Variants in AKAP10 observed in about 807,000 individuals in gnomAD.
The protein encoded by AKAP10 is A-kinase anchor protein 10, mitochondrial.
A neutral mutation model predicts 80.8 loss-of-function variants in AKAP10; 24 were observed. The observed-to-expected ratio is 0.30, with a 90% CI of 0.22 to 0.42. The LOEUF is 0.42. AKAP10 is among the 10% of genes least tolerant of loss of function. The pLI is 1.00. For synonymous variants in AKAP10, 291 were observed against 277.7 expected (o/e 1.05, Z -0.48); for missense variants, 661 against 794.9 (o/e 0.83, Z 2.03).
intron 7 of AKAP10, 75 bp downstream of exon 7, chr17:19,940,812 A>G: frequency 6.8e-7 from 1 of 1,468,108 alleles, no homozygotes; most frequent in Non-Finnish European, 9.0e-7. Flanking sequence ...GTTATTTCCT[A>G]TAGACAGGGC....
In AKAP10 at chr17:19,904,340, T is replaced by C. The variant is rs2042611856; in HGVS notation, c.*1887A>G. 6.6e-6 allele frequency: 1 copy of C among 152,228 alleles called. No individual in the cohort carries two copies. Among genetic ancestry groups the C allele is most frequent in the Non-Finnish European group, 1.5e-5 (1 of 68,046 alleles). The allele number at this position is 152,228 out of a possible 1,614,324, so 9.4% of individuals were successfully genotyped here. A position where few individuals can be genotyped will look rare whatever the true frequency, so the allele number is the denominator to read the frequency against. The stretch of plus-strand genomic sequence containing the variant: ...TCTTTATAAGCAGTTTACAACTACT[T>C]GGCATCTCTAGCTCAGAAGCACAAA... On this transcript the variant is annotated 3_prime_UTR_variant, in exon 15 of 15. Transcript: ENST00000225737.
chr17:19,936,570 T>A, intron 8 of AKAP10, 140 bp from the exon 9 acceptor site: 1 of 813,918 alleles, frequency 1.2e-6, no homozygotes, highest in Non-Finnish European at 1.8e-6. Flanking sequence ...GTGATGACAG[T>A]GCTGATGTAA....
intron 8 of AKAP10, among the ~76,000 whole-genome samples, chr17:19,936,721 G>A (rs1053004813): frequency 1.3e-5 from 2 of 152,168 alleles, no homozygotes; most frequent in Non-Finnish European, 2.9e-5. Context: ...CTGAGGCAAA[G>A]AAACTAACAA....
Position 19,920,855 on chromosome 17 carries a change from C to CAAAA in AKAP10, c.1752-741_1752-738dup, listed in dbSNP as rs61148312. Reference sequence around the variant, plus strand: ...TGGGCAACAGAGCAAGACTCTATCTCAAAAAAAAAAAAAAAAAAAAAAAAA... The same window carrying CAAAA: ...TGGGCAACAGAGCAAGACTCTATCTCAAAAAAAAAAAAAAAAAAAAAAAAAAAAA... On this transcript the variant is annotated intron_variant, in intron 11 of 14. Coordinates refer to ENST00000225737, the MANE Select transcript of AKAP10 (RefSeq NM_007202.4). 2.0e-3 allele frequency among the ~76,000 whole-genome samples: 70 copies of CAAAA among 35,300 alleles called. 2 individuals carry two copies. The highest frequency in any genetic ancestry group is 4.5e-3 in the African/African-American group (39 of 8,590). The allele number at this position is 35,300 out of a possible 152,430, so 23.2% of individuals were successfully genotyped here. A position where few individuals can be genotyped will look rare whatever the true frequency, so the allele number is the denominator to read the frequency against.
At chr17:19,908,250 T>C (rs535037778) in intron 14 of AKAP10, among the ~76,000 whole-genome samples, 11 of 152,352 alleles carry the variant, frequency 7.2e-5, no homozygotes, top group South Asian at 2.1e-4. Flanking sequence ...TGTTTTGGCA[T>C]GCAGTTGTTA....
Position 19,940,151 on chromosome 17 carries a change from T to C in AKAP10, c.1186-302A>G, listed in dbSNP as rs577821793. On this transcript the variant is annotated intron_variant, in intron 7 of 14. Coordinates refer to ENST00000225737, the MANE Select transcript of AKAP10 (RefSeq NM_007202.4). ...ATTTGTGGTTCCTTGCCAGCAAACA[T>C]ATAAAGAGTAAACTAACCAAACCAA... 2.0e-5 allele frequency among the ~76,000 whole-genome samples: 3 copies of C among 152,294 alleles called. No individual in the cohort carries two copies. The East Asian group carries it at 5.8e-4, about 29-fold the overall frequency.
chr17:19,937,859 A>G (rs2043008784), intron 8 of AKAP10, among the ~76,000 whole-genome samples: 1 of 152,180 alleles, frequency 6.6e-6, no homozygotes, highest in African/African-American at 2.4e-5. Flanking sequence ...AAATTAGACT[A>G]CATCCCTAAA....
intron 4 of AKAP10, among the ~76,000 whole-genome samples, chr17:19,955,603 G>A (rs560689504): frequency 6.6e-6 from 1 of 152,262 alleles, no homozygotes; most frequent in East Asian, 1.9e-4. Flanking sequence ...TTGGGAGGCT[G>A]AGGTGGGCAG....
chr17:19,941,443 T>C (rs1240451657), intron 6 of AKAP10, among the ~76,000 whole-genome samples: 3 of 152,234 alleles, frequency 2.0e-5, no homozygotes, highest in Non-Finnish European at 2.9e-5. Context: ...GATTTAGTTA[T>C]ATAGCATCCA....
chr17:19,923,512 C>T (rs554977487), intron 11 of AKAP10, among the ~76,000 whole-genome samples: 1 of 152,068 alleles, frequency 6.6e-6, no homozygotes, highest in South Asian at 2.1e-4. Context: ...GCTCCTCAGT[C>T]TCCCAATACC....
At position 19,962,772 on chromosome 17, in the gene AKAP10, G is replaced by T; in HGVS notation, c.319+68C>A. ...CCAATTATATAGTTCTGTATCCTAT[G>T]ACAGAAGTTTCACATATTGTACTCA... On this transcript the variant is annotated intron_variant, in intron 3 of 14. Transcript: ENST00000225737. The T allele has an allele frequency of 2.0e-6, 3 of 1,480,890 alleles. No individual in the cohort carries two copies. In the South Asian group the frequency reaches 3.7e-5, roughly 18 times the overall value. The allele number at this position is 1,480,890 out of a possible 1,614,324, so 91.7% of individuals were successfully genotyped here.
At position 19,958,470 on chromosome 17, in the gene AKAP10, G is replaced by T; in HGVS notation, c.421C>A (p.Gln141Lys). 1 of 1,614,060 alleles carries T rather than the reference G, an allele frequency of 6.2e-7. No homozygotes were observed. The highest frequency in any genetic ancestry group is 1.1e-5 in the South Asian group (1 of 91,078). ...HDTIVLPYFIQFMELRRMEHL... is the reference protein window; with the variant it reads ...HDTIVLPYFIKFMELRRMEHL... The stretch of plus-strand genomic sequence containing the variant: ...TCCATTCGCCGAAGTTCCATGAATT[G>T]AATGAAGTAAGGGAGGACAATAGTG... Residue 141 changes from glutamine to lysine, a missense_variant, in exon 4 of 15, where the codon CAA becomes AAA. Physicochemically the swap from Gln to Lys is moderately conservative, Grantham distance 53. Coordinates refer to ENST00000225737, the MANE Select transcript of AKAP10 (RefSeq NM_007202.4).
At chr17:19,930,140 T>C (rs1567757556) in intron 10 of AKAP10, among the ~76,000 whole-genome samples, 1 of 152,038 alleles carries the variant, frequency 6.6e-6, no homozygotes, top group Non-Finnish European at 1.5e-5. Context: ...GGCAATACGA[T>C]AATACTCTCT....
chr17:19,958,490 A>G lies in AKAP10; in HGVS notation c.401T>C (p.Ile134Thr). The G allele has an allele frequency of 6.2e-7, 1 of 1,613,612 alleles. No individual in the cohort carries two copies. Among genetic ancestry groups the G allele is most frequent in the Non-Finnish European group, 8.5e-7 (1 of 1,180,038 alleles). ...KTLEQVLHDT[I>T]VLPYFIQFME... ...GAATTGAATGAAGTAAGGGAGGACA[A>G]TAGTGTCGTGCAAGACTTGTTCAAG... Residue 134 changes from isoleucine to threonine, a missense_variant, in exon 4 of 15, where the codon ATT becomes ACT. By Grantham distance (89) the Ile-to-Thr change is moderately conservative. Transcript: ENST00000225737.
intron 1 of AKAP10, among the ~76,000 whole-genome samples, chr17:19,971,343 C>A (rs895478847): frequency 2.6e-5 from 4 of 151,044 alleles, no homozygotes; most frequent in Admixed American, 2.6e-4. Context: ...ACCCTGTGGC[C>A]ACTAAAAATA....
chr17:19,958,554 A>G lies in AKAP10; in HGVS notation c.337T>C (p.Tyr113His), dbSNP rs2043310554. 6.2e-7 allele frequency: 1 copy of G among 1,600,454 alleles called. No individual in the cohort carries two copies. The highest frequency in any genetic ancestry group is 1.7e-5 in the Admixed American group (1 of 59,168). Reference sequence around the variant, plus strand: ...CTTGATTTGGTCTCTTGAGTCTGGTAGTCCAGACAAGATCTGCCTAAAAGA... The same window carrying G: ...CTTGATTTGGTCTCTTGAGTCTGGTGGTCCAGACAAGATCTGCCTAAAAGA... ...FGDLGRSCLDYQTQETKSSLS... is the reference protein window; with the variant it reads ...FGDLGRSCLDHQTQETKSSLS... The change falls in exon 4 of 15, where the codon TAC becomes CAC. Residue 113 changes from tyrosine to histidine, a missense_variant. By Grantham distance (83) the Tyr-to-His change is moderately conservative (BLOSUM62 2). Coordinates refer to ENST00000225737, the MANE Select transcript of AKAP10 (RefSeq NM_007202.4).
At chr17:19,927,774 G>C (rs1252542618) in intron 10 of AKAP10, among the ~76,000 whole-genome samples, 1 of 151,966 alleles carries the variant, frequency 6.6e-6, no homozygotes, top group African/African-American at 2.4e-5. Context: ...GCTGGGTGTG[G>C]TGGTAGGCAC....
intron 5 of AKAP10, among the ~76,000 whole-genome samples, chr17:19,946,234 ATATT>A (rs1195183536): frequency 0.014 from 246 of 17,230 alleles, 21 homozygotes; most frequent in African/African-American, 0.042. Flanking sequence ...ATATATATAT[ATATT>A]ATATATATAT....
rs1012540971 is a variant in AKAP10, at chr17:19,968,288, A to C, written c.136+126T>G. On this transcript the variant is annotated intron_variant, in intron 2 of 14. Transcript: ENST00000225737. ...TTAAAGAGGGAAATAAATCAAAATC[A>C]TAAGTAATTATAAAATAAGGCAGAA... 4 of 680,846 alleles carry C rather than the reference A, an allele frequency of 5.9e-6. No individual in the cohort carries two copies. The African/African-American group carries it at 7.4e-5, about 13-fold the overall frequency. The allele number at this position is 680,846 out of a possible 1,614,324, so 42.2% of individuals were successfully genotyped here.
Sources: gnomAD v4.1 joint callset for allele counts (sites outside exome capture counted in the v4.1 genomes callset) on GRCh38, gnomAD v4.1.1 for gene constraint, MANE v1.5 for transcripts, NCBI Gene and HGNC (gene_info 2026-07-23, HGNC 2026-07-21) for gene names.